Variants in PHACTR2 observed in about 807,000 individuals in gnomAD.
The protein encoded by PHACTR2 is chromosome 6 open reading frame 56.
Under a neutral mutation model 76.0 loss-of-function variants are expected in PHACTR2, and 30 were observed. The observed-to-expected ratio is 0.39, with a 90% CI of 0.30 to 0.54. PHACTR2 has a LOEUF of 0.54. Among genes scored for constraint, PHACTR2 ranks in the 20% least tolerant of loss-of-function variants. PHACTR2 has a pLI of 0.61. For missense variants in PHACTR2, 696 were observed against 781.1 expected (o/e 0.89, Z 1.30); for synonymous variants, 292 against 292.5 (o/e 1.00, Z 0.02).
intron 5 of PHACTR2, among the ~76,000 whole-genome samples, chr6:143,762,165 A>C (rs1406181908): frequency 6.6e-6 from 1 of 152,150 alleles, no homozygotes; most frequent in Non-Finnish European, 1.5e-5. Flanking sequence ...TCTTCTTCTT[A>C]AAGAACAGCC....
intron 11 of PHACTR2, among the ~76,000 whole-genome samples, chr6:143,802,598 G>T (rs945175024): frequency 6.1e-5 from 8 of 130,780 alleles, no homozygotes; most frequent in Admixed American, 1.9e-4. Context: ...AATGAGCTGT[G>T]ATCACACCAC....
In PHACTR2 at chr6:143,794,050, A is replaced by G. The variant is rs1343549051; in HGVS notation, c.1845+5140A>G. On this transcript the variant is annotated intron_variant, in intron 11 of 12. Transcript: ENST00000440869. This position sits in a 1 kb window ranked among gnomAD's most constrained non-coding sequence, Gnocchi z 4.1. Reference sequence around the variant, plus strand: ...TTCATTGGGCCATATCTGAATATTCAAAAATGCAAAAATAAAAAAAGAACC... The same window carrying G: ...TTCATTGGGCCATATCTGAATATTCGAAAATGCAAAAATAAAAAAAGAACC... Among the ~76,000 whole-genome samples, 1 of 140,154 alleles carries G rather than the reference A, an allele frequency of 7.1e-6. No homozygotes were observed. Among genetic ancestry groups the G allele is most frequent in the Non-Finnish European group, 1.6e-5 (1 of 63,270 alleles). The allele number at this position is 140,154 out of a possible 152,430, so 91.9% of individuals were successfully genotyped here.
rs563551791 is a variant in PHACTR2, at chr6:143,618,125, C to T, written c.13+9803C>T. On this transcript the variant is annotated intron_variant, in intron 1 of 11. Coordinates refer to the PHACTR2 transcript ENST00000305766. This position sits in a 1 kb window ranked among gnomAD's most constrained non-coding sequence, Gnocchi z 5.2. ...TTAATCATCACTAACTGTATCTGTACCAAGAGGCTGGGTCAGAGCCACGAT... is the reference window on the plus strand; with the variant it reads ...TTAATCATCACTAACTGTATCTGTATCAAGAGGCTGGGTCAGAGCCACGAT... Among the ~76,000 whole-genome samples, 1 of 152,250 alleles carries T rather than the reference C, an allele frequency of 6.6e-6. No individual in the cohort carries two copies. The highest frequency in any genetic ancestry group is 2.4e-5 in the African/African-American group (1 of 41,544).
rs375683762 is a variant in PHACTR2, at chr6:143,608,388, C to T, written c.13+66C>T. The stretch of plus-strand genomic sequence containing the variant: ...CCTTTGCAGCCCGCATCCTTTACTG[C>T]GGAAGGTTTGCCTATTTGTTGCTCT... On this transcript the variant is annotated intron_variant, in intron 1 of 11. Transcript: ENST00000305766. This position sits in a 1 kb window ranked among gnomAD's most constrained non-coding sequence, Gnocchi z 4.6. 1.2e-4 allele frequency: 181 copies of T among 1,538,190 alleles called. No homozygotes were observed. The highest frequency in any genetic ancestry group is 7.1e-4 in the Admixed American group (42 of 59,574).
In PHACTR2 at chr6:143,537,886, C is replaced by G. The variant is rs577237218; in HGVS notation, c.217+679C>G. On this transcript the variant is annotated intron_variant, in intron 1 of 11. Coordinates refer to the PHACTR2 transcript ENST00000367584. The surrounding 1 kb of genome is among the most constrained non-coding windows in gnomAD (Gnocchi z 4.4). Reference sequence around the variant, plus strand: ...TTTGGGAGGCCCAAGGCCGGCCGATCACTTGAGGTCAAAAGTTCGAGACCG... The same window carrying G: ...TTTGGGAGGCCCAAGGCCGGCCGATGACTTGAGGTCAAAAGTTCGAGACCG... 1.6e-4 allele frequency among the ~76,000 whole-genome samples: 25 copies of G among 152,306 alleles called. No homozygotes were observed. Among genetic ancestry groups the G allele is most frequent in the African/African-American group, 6.0e-4 (25 of 41,572 alleles).
intron 1 of PHACTR2, among the ~76,000 whole-genome samples, chr6:143,670,029 C>CT (rs1445245373): frequency 5.3e-5 from 8 of 152,144 alleles, no homozygotes; most frequent in African/African-American, 7.2e-5. Context: ...TTCAGGAACT[C>CT]TTGTAAGGCA....
chr6:143,591,306 C>T lies in PHACTR2; in HGVS notation c.217+54099C>T, dbSNP rs1054649111. ...CTTTAGAGATAAGCATGGAGGTGGG[C>T]CATTCCAGGGTACATTTAGGACACT... On this transcript the variant is annotated intron_variant, in intron 1 of 11. Coordinates refer to the PHACTR2 transcript ENST00000367584. The surrounding 1 kb of genome is among the most constrained non-coding windows in gnomAD (Gnocchi z 6.4). 6.6e-6 allele frequency among the ~76,000 whole-genome samples: 1 copy of T among 152,056 alleles called. No homozygotes were observed. The highest frequency in any genetic ancestry group is 6.6e-5 in the Admixed American group (1 of 15,262).
intron 1 of PHACTR2, among the ~76,000 whole-genome samples, chr6:143,586,607 G>A (rs1219684342): frequency 6.6e-6 from 1 of 152,210 alleles, no homozygotes; most frequent in Non-Finnish European, 1.5e-5. Context: ...CAAAGTGGCA[G>A]CCCAGGGCAG....
rs12208927 is a variant in PHACTR2 at position 143,672,497 on chromosome 6, A to G, written c.14-39519A>G. Among the ~76,000 whole-genome samples the G allele has an allele frequency of 0.16, 24,649 of 152,094 alleles. 2,135 individuals are homozygous for G. Among genetic ancestry groups the G allele is most frequent in the East Asian group, 0.35 (1,778 of 5,142 alleles). ...ACAAACAAAAAAAGCTGCAAGCAAT[A>G]AACAAACAAATACAGTTAATTCTGA... On this transcript the variant is annotated intron_variant, in intron 1 of 11. Coordinates refer to the PHACTR2 transcript ENST00000305766. This position sits in a 1 kb window ranked among gnomAD's most constrained non-coding sequence, Gnocchi z 5.8.
Position 143,823,764 on chromosome 6 carries a change from G to A in PHACTR2, c.*75G>A. On this transcript the variant is annotated 3_prime_UTR_variant, in exon 13 of 13. Transcript: ENST00000440869. This position sits in a 1 kb window ranked among gnomAD's most constrained non-coding sequence, Gnocchi z 5.7. The stretch of plus-strand genomic sequence containing the variant: ...CCCTGCTTCCTGAAAACCTGATATT[G>A]CACTGGGATTTGAATGTGTGTGTTT... The A allele has an allele frequency of 8.6e-7, 1 of 1,164,872 alleles. No homozygotes were observed. The highest frequency in any genetic ancestry group is 1.7e-5 in the Admixed American group (1 of 59,318). The allele number at this position is 1,164,872 out of a possible 1,614,324, so 72.2% of individuals were successfully genotyped here.
Position 143,782,914 on chromosome 6 carries a change from G to A in PHACTR2, c.1646-305G>A, listed in dbSNP as rs1775463427. ...ATAGAGGGCTTTCATTAGAATATGG[G>A]CACTCCTGTGGTTTTTTTAAGAATA... On this transcript the variant is annotated intron_variant, in intron 9 of 12. Coordinates refer to ENST00000440869, the MANE Select transcript of PHACTR2 (RefSeq NM_001100164.2). This position sits in a 1 kb window ranked among gnomAD's most constrained non-coding sequence, Gnocchi z 4.6. 6.6e-6 allele frequency among the ~76,000 whole-genome samples: 1 copy of A among 152,022 alleles called. No individual in the cohort carries two copies.
At chr6:143,796,620 C>T (rs1026824628) in intron 11 of PHACTR2, among the ~76,000 whole-genome samples, 5 of 151,326 alleles carry the variant, frequency 3.3e-5, no homozygotes, top group African/African-American at 4.9e-5. Context: ...TCCATGTGTT[C>T]TTATTGTTCA....
chr6:143,604,870 C>T (rs577379948), upstream of PHACTR2, among the ~76,000 whole-genome samples: 8 of 134,780 alleles, frequency 5.9e-5, no homozygotes, highest in African/African-American at 2.3e-4. Context: ...CCAGCCTAGG[C>T]AACAGAGCAA....
Position 143,818,108 on chromosome 6 carries a change from TTA to T in PHACTR2, c.1923-5564_1923-5563del, listed in dbSNP as rs1776340605. 6.6e-6 allele frequency among the ~76,000 whole-genome samples: 1 copy of T among 152,166 alleles called. No individual in the cohort carries two copies. The highest frequency in any genetic ancestry group is 2.1e-4 in the South Asian group (1 of 4,822). On this transcript the variant is annotated intron_variant, in intron 12 of 12. Coordinates refer to ENST00000440869, the MANE Select transcript of PHACTR2 (RefSeq NM_001100164.2). This position sits in a 1 kb window ranked among gnomAD's most constrained non-coding sequence, Gnocchi z 4.9. ...CTCTGTACCCCATAAATATGAACAA[TTA>T]TGTGTCAATTAAAAATATAATAAAA... is the stretch of plus-strand genomic sequence containing the variant.
rs1421343454 is a variant in PHACTR2, at chr6:143,585,388, C to T, written c.217+48181C>T. ...AGGGAAAGAATGACTTGGCCAGGGC[C>T]AAATCTCAGTTAAAATAGAAGCTGA... On this transcript the variant is annotated intron_variant, in intron 1 of 11. Transcript: ENST00000367584. The surrounding 1 kb of genome is among the most constrained non-coding windows in gnomAD (Gnocchi z 5.2). 6.6e-6 allele frequency among the ~76,000 whole-genome samples: 1 copy of T among 152,162 alleles called. No individual in the cohort carries two copies. The highest frequency in any genetic ancestry group is 2.1e-4 in the South Asian group (1 of 4,834).
chr6:143,720,037 C>G (rs909391081), intron 2 of PHACTR2, among the ~76,000 whole-genome samples: 4 of 152,014 alleles, frequency 2.6e-5, no homozygotes, highest in Admixed American at 2.0e-4. Flanking sequence ...GTCTCAAACT[C>G]CTGACCTCAG....
At chr6:143,588,654 C>T (rs1188947081) in intron 1 of PHACTR2, among the ~76,000 whole-genome samples, 1 of 151,936 alleles carries the variant, frequency 6.6e-6, no homozygotes, top group Non-Finnish European at 1.5e-5. Context: ...ATATGAGGAT[C>T]AACGAAACTA....
At position 143,744,829 on chromosome 6, in the gene PHACTR2, T is replaced by C. The variant is rs939899203; in HGVS notation, c.215-4156T>C. 3.3e-5 allele frequency among the ~76,000 whole-genome samples: 5 copies of C among 152,204 alleles called. No individual in the cohort carries two copies. The South Asian group carries it at 1.0e-3, about 31-fold the overall frequency. ...GAAGTCAGGAAAATACAGGGCAGTG[T>C]TTCCTTCACTTCCCAGAGAGAATTA... On this transcript the variant is annotated intron_variant, in intron 2 of 12. Transcript: ENST00000440869.
rs1775702878 is a variant in PHACTR2 at position 143,592,537 on chromosome 6, A to G, written c.217+55330A>G. The stretch of plus-strand genomic sequence containing the variant: ...CTATTCACATCGACTAATACTCTAT[A>G]GGGGCCATTCCCTTGATTTGGTCAC... On this transcript the variant is annotated intron_variant, in intron 1 of 11. Transcript: ENST00000367584. This position sits in a 1 kb window ranked among gnomAD's most constrained non-coding sequence, Gnocchi z 4.0. Among the ~76,000 whole-genome samples, 2 of 152,124 alleles carry G rather than the reference A, an allele frequency of 1.3e-5. No individual in the cohort carries two copies. The highest frequency in any genetic ancestry group is 4.8e-5 in the African/African-American group (2 of 41,424).
Sources: gnomAD v4.1 joint callset for allele counts (sites outside exome capture counted in the v4.1 genomes callset) on GRCh38, gnomAD v4.1.1 for gene constraint, Gnocchi (gnomAD v3.1) non-coding constraint, MANE v1.5 for transcripts, NCBI Gene and HGNC (gene_info 2026-07-23, HGNC 2026-07-21) for gene names.